The following RGL1 variants were observed in gnomAD, a reference collection of about 807,000 sequenced individuals.
The protein encoded by RGL1 is ral guanine nucleotide dissociation stimulator-like 1.
In RGL1, 24 loss-of-function variants were observed where a neutral mutation model predicts 95.2. The ratio of observed to expected loss-of-function variants is 0.25; its 90% confidence interval spans 0.18 to 0.35. The LOEUF is 0.35. Among genes scored for constraint, RGL1 ranks in the 10% least tolerant of loss-of-function variants. The pLI is 1.00. For synonymous variants in RGL1, 329 were observed against 344.9 expected, an observed-to-expected ratio of 0.95 and a Z score of 0.51; for missense variants, 715 against 936.3, an observed-to-expected ratio of 0.76 and a Z score of 3.08.
intron 2 of RGL1, among the ~76,000 whole-genome samples, chr1:183,786,137 C>T (rs2102366453): frequency 6.6e-6 from 1 of 150,726 alleles, no homozygotes; most frequent in East Asian, 2.0e-4. Flanking sequence ...CACAGTGGCT[C>T]ACACCTGTAA....
At chr1:183,825,888 C>T (rs754224640) in intron 2 of RGL1, among the ~76,000 whole-genome samples, 5 of 152,132 alleles carry the variant, frequency 3.3e-5, no homozygotes, top group Admixed American at 1.3e-4. Context: ...GAAGGCCAGA[C>T]GCAGAGGCCC....
At chr1:183,909,021 A>G (rs1668497147) in intron 14 of RGL1, among the ~76,000 whole-genome samples, 2 of 152,226 alleles carry the variant, frequency 1.3e-5, no homozygotes, top group Non-Finnish European at 2.9e-5. Context: ...CAGAGAGGGC[A>G]GGACTGTGAG....
intron 2 of RGL1, among the ~76,000 whole-genome samples, chr1:183,763,384 T>A (rs565864650): frequency 6.6e-5 from 10 of 152,244 alleles, no homozygotes; most frequent in Non-Finnish European, 1.3e-4. Context: ...ACTTAAAATA[T>A]ATATATATAA....
At position 183,895,342 on chromosome 1, in the gene RGL1, G is replaced by C. The variant is rs562769915; in HGVS notation, c.1141-2466G>C. On this transcript the variant is annotated intron_variant, in intron 9 of 17. Transcript: ENST00000360851. ...ATGAGGGTAGCTGAACTCTGCTAAA[G>C]ATGGTTATAAAGAAAAGGTGAGACT... Among the ~76,000 whole-genome samples, 3 of 152,218 alleles carry C rather than the reference G, an allele frequency of 2.0e-5. No individual in the cohort carries two copies. In the East Asian group the frequency reaches 5.8e-4, roughly 29 times the overall value.
Position 183,870,140 on chromosome 1 carries a change from C to T in RGL1, c.425+4067C>T, listed in dbSNP as rs374353423. On this transcript the variant is annotated intron_variant, in intron 4 of 17. Coordinates refer to ENST00000360851, the MANE Select transcript of RGL1 (RefSeq NM_001297671.3). ...GTTTTAATGAGTGCCTGGGTGCAGG[C>T]GGGCTGAGACCTAAAATGACATCAG... Among the ~76,000 whole-genome samples the T allele has an allele frequency of 2.0e-5, 3 of 152,262 alleles. No individual in the cohort carries two copies. In the East Asian group the frequency reaches 5.8e-4, roughly 29 times the overall value.
At chr1:183,762,130 C>G (rs1658698952) in intron 2 of RGL1, among the ~76,000 whole-genome samples, 1 of 152,228 alleles carries the variant, frequency 6.6e-6, no homozygotes, top group Non-Finnish European at 1.5e-5. Flanking sequence ...ACTGGAGTAG[C>G]ATTTTAAATT....
At chr1:183,902,437 C>G in intron 11 of RGL1, 131 bp from the exon 12 acceptor site, 3 of 613,362 alleles carry the variant, frequency 4.9e-6, no homozygotes, top group Non-Finnish European at 7.9e-6. Flanking sequence ...CCACAGTAGT[C>G]GTAATTATAG....
intron 2 of RGL1, among the ~76,000 whole-genome samples, chr1:183,819,695 C>G (rs1240566267): frequency 2.0e-5 from 3 of 151,758 alleles, no homozygotes; most frequent in Non-Finnish European, 4.4e-5. Flanking sequence ...CATCGGTGTT[C>G]AATGGCATAA....
intron 1 of RGL1, among the ~76,000 whole-genome samples, chr1:183,640,603 TATG>T (rs1386243299): frequency 1.3e-5 from 2 of 152,232 alleles, no homozygotes; most frequent in Non-Finnish European, 2.9e-5. Flanking sequence ...TTTAATGGCT[TATG>T]ATGATATAAA....
chr1:183,880,854 C>A, intron 5 of RGL1, 54 bp downstream of exon 5: 2 of 1,515,914 alleles, frequency 1.3e-6, no homozygotes, highest in Non-Finnish European at 1.8e-6. Context: ...CTCCAGCCTC[C>A]ACGCTGGAGA....
intron 2 of RGL1, among the ~76,000 whole-genome samples, chr1:183,807,617 G>T (rs1202851109): frequency 6.6e-6 from 1 of 152,216 alleles, no homozygotes; most frequent in Non-Finnish European, 1.5e-5. Flanking sequence ...CCTCTGCCAT[G>T]AGTCTGCTGA....
chr1:183,737,666 C>T (rs1657025965), intron 1 of RGL1, among the ~76,000 whole-genome samples: 1 of 151,952 alleles, frequency 6.6e-6, no homozygotes, highest in Non-Finnish European at 1.5e-5. Context: ...TTCTTCCATC[C>T]CACCTGTCTT....
At chr1:183,757,020 TG>T (rs66837882) in intron 2 of RGL1, among the ~76,000 whole-genome samples, 61,980 of 134,218 alleles carry the variant, frequency 0.46, 13,921 homozygotes, top group East Asian at 0.76. Context: ...GTGGTTTGTT[TG>T]TTTTTTTTTT....
intron 2 of RGL1, among the ~76,000 whole-genome samples, chr1:183,770,265 TC>T (rs1659206961): frequency 6.6e-6 from 1 of 152,098 alleles, no homozygotes; most frequent in Admixed American, 6.5e-5. Flanking sequence ...ATGACAAATT[TC>T]AAAGGCTGTT....
At chr1:183,690,450 G>A (rs1461830456) in intron 1 of RGL1, among the ~76,000 whole-genome samples, 3 of 152,104 alleles carry the variant, frequency 2.0e-5, no homozygotes, top group Non-Finnish European at 4.4e-5. Flanking sequence ...ATTCGATGGG[G>A]TAGGGAGGTG....
intron 2 of RGL1, among the ~76,000 whole-genome samples, chr1:183,825,317 G>C (rs1002723071): frequency 6.6e-6 from 1 of 152,170 alleles, no homozygotes; most frequent in Non-Finnish European, 1.5e-5. Context: ...GAATGATATA[G>C]AGAAAATGGA....
Position 183,884,896 on chromosome 1 carries a change from G to T in RGL1, c.909G>T (p.Gln303His), listed in dbSNP as rs933378410. The T allele has an allele frequency of 2.5e-6, 4 of 1,614,108 alleles. No homozygotes were observed. Among genetic ancestry groups the T allele is most frequent in the African/African-American group, 2.7e-5 (2 of 75,048 alleles). ...TGGGGGGCAAAGAACTCAAAACTCA[G>T]CAGAGAGCCAAAATCATTGAGAAGT... The part of the protein sequence containing the change: ...TILGGKELKT[Q>H]QRAKIIEKWI... Residue 303 changes from glutamine (Q) to histidine (H), a missense_variant, in exon 7 of 18, where the codon CAG (glutamine) becomes CAT (histidine). Gln to His is a conservative substitution (Grantham distance 24). Around this residue, in one of 3 missense-constraint regions of RGL1, gnomAD observed 381 missense variants for 484.8 expected, o/e 0.79. Coordinates refer to ENST00000360851, the MANE Select transcript of RGL1 (RefSeq NM_001297671.3).
At chr1:183,823,176 AG>A (rs1662610906) in intron 2 of RGL1, among the ~76,000 whole-genome samples, 1 of 152,226 alleles carries the variant, frequency 6.6e-6, no homozygotes, top group Admixed American at 6.5e-5. Context: ...AGCTTCATAC[AG>A]TTCCAGCTAA....
At chr1:183,863,015 A>G (rs1324893790) in intron 3 of RGL1, among the ~76,000 whole-genome samples, 1 of 152,230 alleles carries the variant, frequency 6.6e-6, no homozygotes, top group Non-Finnish European at 1.5e-5. Flanking sequence ...GGCCTCACTG[A>G]TAAAGTGATA....
Sources: allele counts gnomAD v4.1 joint callset (sites outside exome capture counted in the v4.1 genomes callset), GRCh38; gene constraint gnomAD v4.1.1; regional missense constraint gnomAD v4.1.1; transcripts MANE v1.5; gene names NCBI Gene and HGNC (gene_info 2026-07-23, HGNC 2026-07-21).